Variants in ARHGEF10L observed in about 807,000 individuals in gnomAD.
ARHGEF10L encodes Rho guanine nucleotide exchange factor 10 like, also known as rho guanine nucleotide exchange factor 10-like protein.
ARHGEF10L carries 69 observed loss-of-function variants against 141.2 expected under a neutral mutation model. The observed-to-expected ratio is 0.49, with a 90% CI of 0.40 to 0.60. The LOEUF (loss-of-function observed/expected upper bound fraction) is 0.60, where lower values mean the gene tolerates loss of function less well. ARHGEF10L is among the 20% of genes least tolerant of loss of function. The probability of loss-of-function intolerance (pLI) is 0.00; values close to 1 mark genes in which losing one functional copy is unlikely to be tolerated. For missense variants in ARHGEF10L, 1,482 were observed against 1,734.3 expected (o/e 0.85, Z 2.58); for synonymous variants, 711 against 718.5 (o/e 0.99, Z 0.17).
At chr1:17,636,830 T>C (rs992798621) in intron 18 of ARHGEF10L, among the ~76,000 whole-genome samples, 2 of 152,110 alleles carry the variant, frequency 1.3e-5, no homozygotes, top group African/African-American at 4.8e-5. Context: ...CCCCTGGGGC[T>C]TCATAAGACC....
rs557070799 is a variant in ARHGEF10L, at chr1:17,625,626, T to C, written c.1318-330T>C. 1.8e-4 allele frequency among the ~76,000 whole-genome samples: 27 copies of C among 152,320 alleles called. No homozygotes were observed. In the South Asian group the frequency reaches 5.6e-3, roughly 32 times the overall value. On this transcript the variant is annotated intron_variant, in intron 13 of 28. Transcript: ENST00000361221. The surrounding 1 kb of genome is among the most constrained non-coding windows in gnomAD (Gnocchi z 4.5). Reference sequence around the variant, plus strand: ...CTAGCCCAAATCTGTCTGCATTTAGTTTAAGTGGAGGGAATGGTTGCCTTG... The same window carrying C: ...CTAGCCCAAATCTGTCTGCATTTAGCTTAAGTGGAGGGAATGGTTGCCTTG...
At chr1:17,556,695 G>A (rs1194343323) in intron 1 of ARHGEF10L, among the ~76,000 whole-genome samples, 1 of 152,170 alleles carries the variant, frequency 6.6e-6, no homozygotes, top group Non-Finnish European at 1.5e-5. Context: ...ACCCAGACAA[G>A]CCTGCTAAGA....
rs1480533228 is a variant in ARHGEF10L, at chr1:17,639,751, C to A, written c.2172-451C>A. On this transcript the variant is annotated intron_variant, in intron 20 of 28. Coordinates refer to ENST00000361221, the MANE Select transcript of ARHGEF10L (RefSeq NM_018125.4). The surrounding 1 kb of genome is among the most constrained non-coding windows in gnomAD (Gnocchi z 4.3). The stretch of plus-strand genomic sequence containing the variant: ...TCATTTCTTCATTCATTCCTGTGTC[C>A]ACTCAGCAAACATTTACTGAGCAAC... The A allele has an allele frequency of 1.2e-6, 1 of 853,782 alleles. No individual in the cohort carries two copies. Among genetic ancestry groups the A allele is most frequent in the East Asian group, 6.2e-5 (1 of 16,224 alleles). The allele number at this position is 853,782 out of a possible 1,614,324, so 52.9% of individuals were successfully genotyped here.
chr1:17,680,541 A>G (rs1235805173), intron 26 of ARHGEF10L, among the ~76,000 whole-genome samples: 2 of 152,198 alleles, frequency 1.3e-5, no homozygotes, highest in African/African-American at 4.8e-5. Context: ...GGGCAGGCTC[A>G]GGACACACAG....
chr1:17,692,289 C>T (rs757067547), intron 27 of ARHGEF10L, among the ~76,000 whole-genome samples: 21 of 151,968 alleles, frequency 1.4e-4, no homozygotes, highest in Non-Finnish European at 2.2e-4. Flanking sequence ...ATTGCAGGGA[C>T]GCTATGAATG....
rs2060072944 is a variant in ARHGEF10L at position 17,620,909 on chromosome 1, C to T, written c.943-955C>T. ...CCACCTTGTTCAGAGGACGGTAGAA[C>T]TTCAGAAGGTCTGGGGTGGGAGCCA... On this transcript the variant is annotated intron_variant, in intron 10 of 28. Transcript: ENST00000361221. 2.6e-5 allele frequency among the ~76,000 whole-genome samples: 4 copies of T among 152,292 alleles called. No individual in the cohort carries two copies. The South Asian group carries it at 8.3e-4, about 32-fold the overall frequency.
chr1:17,593,865 G>C (rs921621080), intron 4 of ARHGEF10L, among the ~76,000 whole-genome samples: 6 of 151,846 alleles, frequency 4.0e-5, no homozygotes, highest in Middle Eastern at 3.4e-3. Flanking sequence ...ACCTGGGAGA[G>C]AGCGTCACTT....
At chr1:17,580,778 C>CT in intron 2 of ARHGEF10L, 146 bp downstream of exon 2, 2 of 909,214 alleles carry the variant, frequency 2.2e-6, no homozygotes, top group Non-Finnish European at 3.5e-6. Flanking sequence ...GCCGCATCCT[C>CT]TATCTCACGT....
intron 22 of ARHGEF10L, 136 bp downstream of exon 22, chr1:17,648,811 G>T (rs2061743389): frequency 1.5e-6 from 2 of 1,311,812 alleles, no homozygotes; most frequent in South Asian, 3.3e-5. Flanking sequence ...AATTCTTACT[G>T]ACAGATTTGG....
At chr1:17,618,303 C>T in intron 9 of ARHGEF10L, 1 of 1,501,990 alleles carries the variant, frequency 6.7e-7, no homozygotes, top group Non-Finnish European at 8.9e-7. Context: ...GTGACCCTCC[C>T]TGCAGAGGCG....
chr1:17,595,770 C>T lies in ARHGEF10L; in HGVS notation c.258-6357C>T, dbSNP rs192957103. 1.1e-3 allele frequency among the ~76,000 whole-genome samples: 173 copies of T among 152,288 alleles called. 1 individual carries two copies. Among genetic ancestry groups the T allele is most frequent in the Non-Finnish European group, 2.2e-3 (150 of 68,006 alleles). ...AAGCAGCACACACGAGGCCATACCACGTGCCAGCCCCTGTGCCAGAGGATT... is the reference window on the plus strand; with the variant it reads ...AAGCAGCACACACGAGGCCATACCATGTGCCAGCCCCTGTGCCAGAGGATT... On this transcript the variant is annotated intron_variant, in intron 4 of 28. Transcript: ENST00000361221.
intron 1 of ARHGEF10L, among the ~76,000 whole-genome samples, chr1:17,571,006 A>T (rs1369576822): frequency 6.6e-6 from 1 of 152,034 alleles, no homozygotes; most frequent in Non-Finnish European, 1.5e-5. Context: ...TAAGGCTGAG[A>T]TGCCCGATCA....
Position 17,588,466 on chromosome 1 carries a change from C to A in ARHGEF10L, c.244C>A (p.Pro82Thr), listed in dbSNP as rs767114186. The change falls in exon 4 of 29, where the codon CCA becomes ACA. Residue 82 changes from proline to threonine, a missense_variant. Pro to Thr is a conservative substitution (Grantham distance 38). This residue lies in a region of ARHGEF10L where 232 missense variants were observed against 225.9 expected (regional missense o/e 1.03). Coordinates refer to ENST00000361221, the MANE Select transcript of ARHGEF10L (RefSeq NM_018125.4). Reference sequence around the variant, plus strand: ...TGCAGACCCAGACCCAGCAGCTGCTCCACCCGGCACAGGGTAAGTGAACCT... The same window carrying A: ...TGCAGACCCAGACCCAGCAGCTGCTACACCCGGCACAGGGTAAGTGAACCT... Reference protein sequence around the residue: ...PVTDPDPAAAPPGTGVPAWVS... With the variant: ...PVTDPDPAAATPGTGVPAWVS... The A allele has an allele frequency of 1.2e-6, 2 of 1,613,976 alleles. No individual in the cohort carries two copies. Among genetic ancestry groups the A allele is most frequent in the African/African-American group, 2.7e-5 (2 of 75,024 alleles).
intron 8 of ARHGEF10L, among the ~76,000 whole-genome samples, chr1:17,614,542 G>T (rs932195544): frequency 1.6e-4 from 24 of 152,158 alleles, no homozygotes; most frequent in African/African-American, 5.3e-4. Context: ...ATGGCTTTCT[G>T]CCAGGACAGG....
At position 17,603,445 on chromosome 1, in the gene ARHGEF10L, C is replaced by T. The variant is rs761076419; in HGVS notation, c.350-63C>T. ...GCTGGTGCAGTCCTGATGTCATCTG[C>T]AGCACCTCTGGCCAGGCTGCCACAG... On this transcript the variant is annotated intron_variant, in intron 5 of 28. Transcript: ENST00000361221. The surrounding 1 kb of genome is among the most constrained non-coding windows in gnomAD (Gnocchi z 4.8). The T allele has an allele frequency of 9.0e-5, 125 of 1,390,600 alleles. No individual in the cohort carries two copies. The highest frequency in any genetic ancestry group is 1.2e-4 in the Non-Finnish European group (117 of 995,012). 86.1% of individuals were successfully genotyped at this position (1,390,600 alleles called of 1,614,324 possible).
Position 17,634,576 on chromosome 1 carries a change from G to C in ARHGEF10L, c.1745+14G>C. 1 of 1,613,472 alleles carries C rather than the reference G, an allele frequency of 6.2e-7. No individual in the cohort carries two copies. On this transcript the variant is annotated intron_variant, in intron 17 of 28. Coordinates refer to ENST00000361221, the MANE Select transcript of ARHGEF10L (RefSeq NM_018125.4). ...TGCCAACCACAGGTACGTGGTTCAG[G>C]GGGCTCCGGGGCTCTGGGGCTCTGG... is the stretch of plus-strand genomic sequence containing the variant.
Position 17,623,200 on chromosome 1 carries a change from C to T in ARHGEF10L, c.1200+25C>T, listed in dbSNP as rs1231277135. On this transcript the variant is annotated intron_variant, in intron 12 of 28. Transcript: ENST00000361221. The surrounding 1 kb of genome is among the most constrained non-coding windows in gnomAD (Gnocchi z 4.7). ...GGTAAGTGTCCCCAAACTTTTTCCC[C>T]AGCCCACCAAGGTAAAACCACAACC... 6.2e-7 allele frequency: 1 copy of T among 1,606,572 alleles called. No homozygotes were observed. Among genetic ancestry groups the T allele is most frequent in the Non-Finnish European group, 8.5e-7 (1 of 1,176,244 alleles).
intron 26 of ARHGEF10L, among the ~76,000 whole-genome samples, chr1:17,677,847 C>T (rs983153047): frequency 2.6e-5 from 4 of 152,144 alleles, no homozygotes; most frequent in Non-Finnish European, 4.4e-5. Flanking sequence ...TTGCAAATAG[C>T]GAACAGATAA....
chr1:17,578,630 G>A (rs576184679), intron 1 of ARHGEF10L, among the ~76,000 whole-genome samples: 3 of 152,314 alleles, frequency 2.0e-5, no homozygotes, highest in African/African-American at 7.2e-5. Flanking sequence ...AGGCTACAGT[G>A]AGCCATGATT....
Sources: allele counts gnomAD v4.1 joint callset (sites outside exome capture counted in the v4.1 genomes callset), GRCh38; gene constraint gnomAD v4.1.1; regional missense constraint gnomAD v4.1.1; non-coding constraint Gnocchi (gnomAD v3.1); transcripts MANE v1.5; gene names NCBI Gene and HGNC (gene_info 2026-07-23, HGNC 2026-07-21).